The following NADK2 variants were observed in gnomAD, a reference collection of about 807,000 sequenced individuals.
The protein encoded by NADK2 is NAD kinase domain-containing protein 1, mitochondrial.
In NADK2, 35 loss-of-function variants were observed where a neutral mutation model predicts 62.1. The observed-to-expected ratio is 0.56, with a 90% CI of 0.43 to 0.75. The LOEUF (loss-of-function observed/expected upper bound fraction) is 0.75, where lower values mean the gene tolerates loss of function less well. Ranked by LOEUF, NADK2 falls within the 30% of genes least tolerant of loss-of-function variation. The probability of loss-of-function intolerance (pLI) is 0.00; values close to 1 mark genes in which losing one functional copy is unlikely to be tolerated. For missense variants in NADK2, 439 were observed against 561.3 expected, an observed-to-expected ratio of 0.78 and a Z score of 2.20; for synonymous variants, 205 against 207.9, an observed-to-expected ratio of 0.99 and a Z score of 0.12.
At chr5:36,230,448 A>C (rs1747666128) in intron 1 of NADK2, among the ~76,000 whole-genome samples, 1 of 152,110 alleles carries the variant, frequency 6.6e-6, no homozygotes, top group Non-Finnish European at 1.5e-5. Context: ...CATTTACCAC[A>C]CCTAAAATTT....
rs79470889 is a variant in NADK2 at position 36,205,013 on chromosome 5, A to G, written c.956+2157T>C. 0.012 allele frequency among the ~76,000 whole-genome samples: 1,835 copies of G among 152,216 alleles called. 150 individuals are homozygous for G. The East Asian group carries it at 0.21, about 18-fold the overall frequency. ...CTCTAAATTAAACTATACAAATTTA[A>G]AAGTTTGATAAGCATTGTTTTAGCT... On this transcript the variant is annotated intron_variant, in intron 8 of 11. Transcript: ENST00000381937. The surrounding 1 kb of genome is among the most constrained non-coding windows in gnomAD (Gnocchi z 4.1).
At chr5:36,210,978 T>C (rs140893213) in intron 7 of NADK2, among the ~76,000 whole-genome samples, 2,697 of 152,200 alleles carry the variant, frequency 0.018, 89 homozygotes, top group African/African-American at 0.061. Context: ...CATTTAGACA[T>C]GGTAAGATGC....
chr5:36,230,693 A>C (rs574003151), intron 1 of NADK2, among the ~76,000 whole-genome samples: 4 of 152,362 alleles, frequency 2.6e-5, no homozygotes, highest in Admixed American at 2.6e-4. Context: ...CTTAGAACTG[A>C]GGAGAGTTAG....
chr5:36,238,497 C>A (rs551469630), intron 1 of NADK2, among the ~76,000 whole-genome samples: 9 of 152,222 alleles, frequency 5.9e-5, no homozygotes, highest in African/African-American at 2.2e-4. Context: ...ATTCAGTTCC[C>A]CATCCCTGGT....
intron 4 of NADK2, among the ~76,000 whole-genome samples, chr5:36,222,916 T>C (rs1747328702): frequency 6.6e-6 from 1 of 152,142 alleles, no homozygotes; most frequent in Non-Finnish European, 1.5e-5. Flanking sequence ...AAAGGAGAGT[T>C]TATTGGTACA....
intron 7 of NADK2, among the ~76,000 whole-genome samples, chr5:36,209,860 G>C (rs991032): frequency 6.6e-6 from 1 of 152,108 alleles, no homozygotes; most frequent in Admixed American, 6.5e-5. Context: ...ACATGCATGA[G>C]GTATTTTTGT....
At chr5:36,206,962 CAAT>C (rs1357839286) in intron 8 of NADK2, among the ~76,000 whole-genome samples, 4 of 151,956 alleles carry the variant, frequency 2.6e-5, no homozygotes, top group Non-Finnish European at 5.9e-5. Flanking sequence ...ACCTAGTGCT[CAAT>C]AATGACCAAA....
rs1264623034 is a variant in NADK2, at chr5:36,241,537, G to C, written c.262C>G (p.Arg88Gly). The change falls in exon 1 of 12, where the codon CGT (arginine) becomes GGT (glycine). Residue 88 changes from arginine (R) to glycine (G), a missense_variant. By Grantham distance (125) the Arg-to-Gly change is moderately radical. Coordinates refer to ENST00000381937, the MANE Select transcript of NADK2 (RefSeq NM_001085411.3). The surrounding 1 kb of genome is among the most constrained non-coding windows in gnomAD (Gnocchi z 4.9). ...TCCTCCTCCGAGAGCTCCGCGTAAC[G>C]GTACCGCTGCTGCTCGAACTCGTAC... ...TRYEFEQQRYRYAELSEEDLK... is the reference protein window; with the variant it reads ...TRYEFEQQRYGYAELSEEDLK... 6.4e-7 allele frequency: 1 copy of C among 1,569,366 alleles called. No homozygotes were observed. Among genetic ancestry groups the C allele is most frequent in the Non-Finnish European group, 8.6e-7 (1 of 1,166,696 alleles).
At position 36,227,487 on chromosome 5, in the gene NADK2, C is replaced by A; in HGVS notation, c.379G>T (p.Asp127Tyr). The change falls in exon 2 of 12, where the codon GAT becomes TAT. Residue 127 changes from aspartate to tyrosine, a missense_variant. Asp to Tyr is a radical substitution (Grantham distance 160). Transcript: ENST00000381937. ...ATCCCATAGACTTACCGTAAACTAT[C>A]TATAATATGTTCTACATTTTTGGTG... ...IHTKNVEHII[D>Y]SLRNEGIEVR... The A allele has an allele frequency of 1.3e-6, 2 of 1,522,086 alleles. No homozygotes were observed. The highest frequency in any genetic ancestry group is 1.3e-5 in the South Asian group (1 of 77,900). 94.3% of individuals were successfully genotyped at this position (1,522,086 alleles called of 1,614,324 possible). A position where few individuals can be genotyped will look rare whatever the true frequency, so the allele number is the denominator to read the frequency against.
intron 1 of NADK2, among the ~76,000 whole-genome samples, chr5:36,232,565 C>G (rs570084369): frequency 3.2e-5 from 4 of 124,064 alleles, no homozygotes; most frequent in African/African-American, 9.8e-5. Flanking sequence ...ATGATCAGAC[C>G]TAGTGCACTG....
rs543825469 is a variant in NADK2, at chr5:36,220,151, T to C, written c.561-472A>G. On this transcript the variant is annotated intron_variant, in intron 4 of 11. Transcript: ENST00000381937. ...ATCTCAAAAGGAATCAAAATATTTA[T>C]GTGAAATGTTTTGAACCATAATCCT... Among the ~76,000 whole-genome samples, 3 of 152,348 alleles carry C rather than the reference T, an allele frequency of 2.0e-5. No individual in the cohort carries two copies. In the South Asian group the frequency reaches 6.2e-4, roughly 32 times the overall value.
intron 6 of NADK2, among the ~76,000 whole-genome samples, chr5:36,216,776 C>T (rs908012845): frequency 8.6e-5 from 13 of 152,002 alleles, no homozygotes; most frequent in African/African-American, 2.9e-4. Context: ...TCAAATCTAC[C>T]ATCTATTAGT....
At position 36,241,499 on chromosome 5, in the gene NADK2, C is replaced by T; in HGVS notation, c.300G>A (p.Leu100=). The T allele has an allele frequency of 6.5e-7, 1 of 1,548,502 alleles. No homozygotes were observed. Reference sequence around the variant, plus strand: ...GAAGCGGGGCCGAGCCAGGACCCACCAGCTGCTTCAGGTCCTCCTCCGAGA... The same window carrying T: ...GAAGCGGGGCCGAGCCAGGACCCACTAGCTGCTTCAGGTCCTCCTCCGAGA... ...AELSEEDLKQ[L]LALKGSSYSG... The change falls in exon 1 of 12, where the codon CTG becomes CTA. Residue 100 remains leucine (L), a splice_region_variant and synonymous_variant. Coordinates refer to ENST00000381937, the MANE Select transcript of NADK2 (RefSeq NM_001085411.3). This position sits in a 1 kb window ranked among gnomAD's most constrained non-coding sequence, Gnocchi z 4.9.
chr5:36,241,939 G>A (rs1023944767), upstream of NADK2: 3 of 683,944 alleles, frequency 4.4e-6, no homozygotes, highest in South Asian at 6.4e-5. The surrounding 1 kb of genome is among the most constrained non-coding windows in gnomAD (Gnocchi z 4.9). Flanking sequence ...GACGTGCGTG[G>A]CCCACGCGGC....
intron 1 of NADK2, among the ~76,000 whole-genome samples, chr5:36,235,255 G>A (rs1340171574): frequency 2.0e-5 from 3 of 151,976 alleles, no homozygotes; most frequent in Non-Finnish European, 2.9e-5. Flanking sequence ...CATATTTTTA[G>A]TTCACTTAAG....
intron 1 of NADK2, 65 bp from the exon 2 acceptor site, chr5:36,227,630 G>T: frequency 2.3e-6 from 2 of 860,298 alleles, no homozygotes; most frequent in Non-Finnish European, 3.3e-6. Context: ...CTAATATTAT[G>T]ATTTTTAAAA....
At position 36,217,895 on chromosome 5, in the gene NADK2, T is replaced by C. The variant is rs3761973; in HGVS notation, c.645-11A>G. 1.2e-6 allele frequency: 2 copies of C among 1,609,936 alleles called. No homozygotes were observed. The highest frequency in any genetic ancestry group is 1.7e-6 in the Non-Finnish European group (2 of 1,177,726). On this transcript the variant is annotated splice_polypyrimidine_tract_variant and intron_variant, in intron 5 of 11. Coordinates refer to ENST00000381937, the MANE Select transcript of NADK2 (RefSeq NM_001085411.3). ...TGCCTCCACAACCACCTTAGAAAAATGAAGAAAAGGCAAATTATGTTAAAA... is the reference window on the plus strand; with the variant it reads ...TGCCTCCACAACCACCTTAGAAAAACGAAGAAAAGGCAAATTATGTTAAAA...
intron 7 of NADK2, among the ~76,000 whole-genome samples, chr5:36,209,354 A>G (rs1434690450): frequency 6.6e-6 from 1 of 152,170 alleles, no homozygotes; most frequent in Non-Finnish European, 1.5e-5. Context: ...TCCTCCATTT[A>G]TAAGTTATTT....
chr5:36,239,572 G>A (rs1318808777), intron 1 of NADK2, among the ~76,000 whole-genome samples: 1 of 152,112 alleles, frequency 6.6e-6, no homozygotes, highest in African/African-American at 2.4e-5. Context: ...CACTCAGAAC[G>A]GGTACACTTA....
Sources: gnomAD v4.1 joint callset for allele counts (sites outside exome capture counted in the v4.1 genomes callset) on GRCh38, gnomAD v4.1.1 for gene constraint, Gnocchi (gnomAD v3.1) non-coding constraint, MANE v1.5 for transcripts, NCBI Gene and HGNC (gene_info 2026-07-23, HGNC 2026-07-21) for gene names.